Variants in NRXN3 observed in about 807,000 individuals in gnomAD.
The protein encoded by NRXN3 is neurexin 3.
NRXN3 carries 32 observed loss-of-function variants against 137.6 expected under a neutral mutation model. The ratio of observed to expected loss-of-function variants is 0.23; its 90% CI spans 0.18 to 0.31. The LOEUF is 0.31. NRXN3 is among the 10% of genes least tolerant of loss of function. The pLI, the probability that NRXN3 is intolerant of heterozygous loss-of-function variation, is 1.00. For synonymous variants in NRXN3, 798 were observed against 784.5 expected (o/e 1.02, Z -0.29); for missense variants, 1,574 against 2,062.5 (o/e 0.76, Z 4.59).
intron 20 of NRXN3, among the ~76,000 whole-genome samples, chr14:79,815,969 A>G (rs909298790): frequency 6.6e-6 from 1 of 152,208 alleles, no homozygotes. Flanking sequence ...GAAAATGGCC[A>G]TGTTTTAACA....
intron 19 of NRXN3, among the ~76,000 whole-genome samples, chr14:79,701,871 A>T (rs1434906579): frequency 6.6e-6 from 1 of 152,028 alleles, no homozygotes; most frequent in Non-Finnish European, 1.5e-5. Flanking sequence ...CATAAGGATA[A>T]CTGAGTTGAT....
intron 15 of NRXN3, among the ~76,000 whole-genome samples, chr14:79,177,804 G>T (rs1385089672): frequency 1.3e-5 from 2 of 152,146 alleles, no homozygotes. Flanking sequence ...GTTTGCTTTC[G>T]AGTTTGTGGA....
At chr14:78,345,850 A>G (rs1190532959) in intron 4 of NRXN3, among the ~76,000 whole-genome samples, 2 of 152,186 alleles carry the variant, frequency 1.3e-5, no homozygotes, top group Non-Finnish European at 2.9e-5. Context: ...CTGAGACTTG[A>G]AAGAACTGGA....
rs145437291 is a variant in NRXN3, at chr14:79,276,814, G to A, written c.3263-190407G>A. Among the ~76,000 whole-genome samples the A allele has an allele frequency of 7.7e-3, 1,168 of 152,020 alleles. 6 individuals are homozygous for A. The highest frequency in any genetic ancestry group is 0.011 in the Non-Finnish European group (755 of 67,970). ...TTCACACTGCTAAAGCCAGACAAACGCATCAGCAAAATTAATGGCATAAGG... is the reference window on the plus strand; with the variant it reads ...TTCACACTGCTAAAGCCAGACAAACACATCAGCAAAATTAATGGCATAAGG... On this transcript the variant is annotated intron_variant, in intron 15 of 20. Coordinates refer to ENST00000335750, the MANE Select transcript of NRXN3 (RefSeq NM_001330195.2).
intron 4 of NRXN3, among the ~76,000 whole-genome samples, chr14:78,642,118 C>T (rs1442020548): frequency 2.6e-5 from 4 of 152,058 alleles, no homozygotes; most frequent in Non-Finnish European, 4.4e-5. Context: ...TCATCTGTGG[C>T]CTTTGACAAG....
intron 15 of NRXN3, among the ~76,000 whole-genome samples, chr14:79,434,884 C>G (rs2095819708): frequency 6.6e-6 from 1 of 152,174 alleles, no homozygotes; most frequent in African/African-American, 2.4e-5. Flanking sequence ...CTTTGTACCT[C>G]CCGTGCCCAT....
chr14:78,870,677 T>C (rs763211323), intron 10 of NRXN3, among the ~76,000 whole-genome samples: 4 of 152,014 alleles, frequency 2.6e-5, no homozygotes, highest in Non-Finnish European at 5.9e-5. Flanking sequence ...CCTTTTTATG[T>C]TCCCCTCCCC....
intron 15 of NRXN3, chr14:79,280,274 T>C: frequency 1.2e-6 from 2 of 1,613,710 alleles, no homozygotes; most frequent in Non-Finnish European, 1.7e-6. Context: ...CCATCTGTAG[T>C]GGTCCCGTGC....
intron 15 of NRXN3, among the ~76,000 whole-genome samples, chr14:79,329,932 C>T (rs2091441446): frequency 6.6e-6 from 1 of 151,576 alleles, no homozygotes. Flanking sequence ...CCTCTGCATC[C>T]TGGGTTCAAG....
At chr14:79,132,978 G>A (rs369348012) in intron 15 of NRXN3, among the ~76,000 whole-genome samples, 1 of 152,298 alleles carries the variant, frequency 6.6e-6, no homozygotes, top group African/African-American at 2.4e-5. Context: ...GTCACTCTGG[G>A]AAGAGCATGA....
intron 4 of NRXN3, among the ~76,000 whole-genome samples, chr14:78,381,628 A>C (rs2089142407): frequency 6.6e-6 from 1 of 152,212 alleles, no homozygotes; most frequent in Admixed American, 6.5e-5. Context: ...AATCCTATAC[A>C]AGAATGTCTA....
intron 8 of NRXN3, among the ~76,000 whole-genome samples, chr14:78,792,257 C>CAAAAAAAAAAAAAAAAAAA (rs140968788): frequency 2.1e-4 from 4 of 19,454 alleles, no homozygotes; most frequent in Admixed American, 1.0e-3. Context: ...AGACTAAAGG[C>CAAAAAAAAAAAAAAAAAAA]AAAAAAAAAA....
In NRXN3 at chr14:79,594,698, A is replaced by ATAT. The variant is rs139882026; in HGVS notation, c.3445-69080_3445-69079insTAT. ...CCTTTCTTCCAGGTCTTCAAAAAAAAATATATATATATAAAGGTCTGTGGG... is the reference window on the plus strand; with the variant it reads ...CCTTTCTTCCAGGTCTTCAAAAAAAATATATATATATATATAAAGGTCTGTGGG... On this transcript the variant is annotated intron_variant, in intron 16 of 20. Coordinates refer to ENST00000335750, the MANE Select transcript of NRXN3 (RefSeq NM_001330195.2). Among the ~76,000 whole-genome samples the ATAT allele has an allele frequency of 5.4e-4, 82 of 151,638 alleles. 3 individuals carry two copies. The East Asian group carries it at 0.015, about 28-fold the overall frequency.
intron 20 of NRXN3, among the ~76,000 whole-genome samples, chr14:79,858,415 C>T (rs2099407362): frequency 6.6e-6 from 1 of 152,050 alleles, no homozygotes; most frequent in Non-Finnish European, 1.5e-5. Context: ...GATCTTAATC[C>T]CACTTAAAGG....
intron 19 of NRXN3, among the ~76,000 whole-genome samples, chr14:79,752,036 T>C (rs1049367846): frequency 1.8e-4 from 27 of 152,140 alleles, no homozygotes; most frequent in Non-Finnish European, 3.7e-4. Context: ...AAATTCTCTT[T>C]TTTGGTTGTG....
chr14:79,745,948 C>T (rs915399166), intron 19 of NRXN3, among the ~76,000 whole-genome samples: 8 of 152,152 alleles, frequency 5.3e-5, no homozygotes, highest in African/African-American at 1.9e-4. Flanking sequence ...GGCTTAGGGT[C>T]TCACTCAACT....
chr14:78,953,396 C>T (rs912439171), intron 10 of NRXN3, among the ~76,000 whole-genome samples: 16 of 152,208 alleles, frequency 1.1e-4, no homozygotes, highest in African/African-American at 3.6e-4. Flanking sequence ...CAGTGTATTT[C>T]ATCCATGATA....
At chr14:79,106,847 AT>A (rs1295899602) in intron 15 of NRXN3, among the ~76,000 whole-genome samples, 1 of 152,166 alleles carries the variant, frequency 6.6e-6, no homozygotes, top group African/African-American at 2.4e-5. Flanking sequence ...AGGAGTGAAT[AT>A]TTAAAATGAA....
chr14:79,088,438 A>T (rs985348963), intron 15 of NRXN3, among the ~76,000 whole-genome samples: 1 of 146,190 alleles, frequency 6.8e-6, no homozygotes, highest in African/African-American at 2.8e-5. Context: ...ATGACAGCAA[A>T]GGTTTGAACA....
Sources: allele counts gnomAD v4.1 joint callset (sites outside exome capture counted in the v4.1 genomes callset), GRCh38; gene constraint gnomAD v4.1.1; transcripts MANE v1.5; gene names NCBI Gene and HGNC (gene_info 2026-07-23, HGNC 2026-07-21).